The following PHACTR3 variants were observed in gnomAD, a reference collection of about 807,000 sequenced individuals.
PHACTR3 encodes the protein protein phosphatase 1, regulatory subunit 123.
PHACTR3 carries 16 observed loss-of-function variants against 66.8 expected under a neutral mutation model. The ratio of observed to expected loss-of-function variants is 0.24; its 90% CI spans 0.16 to 0.36. The LOEUF is 0.36. PHACTR3 is among the 10% of genes least tolerant of loss of function. The probability of loss-of-function intolerance (pLI) is 1.00; values close to 1 mark genes in which losing one functional copy is unlikely to be tolerated. For missense variants in PHACTR3, 647 were observed against 719.9 expected (o/e 0.90, Z 1.16); for synonymous variants, 323 against 292.1 (o/e 1.11, Z -1.08).
At chr20:59,598,958 A>G (rs912306888) in intron 1 of PHACTR3, among the ~76,000 whole-genome samples, 10 of 152,168 alleles carry the variant, frequency 6.6e-5, no homozygotes, top group Admixed American at 3.9e-4. Flanking sequence ...ATGGTTCCCT[A>G]TGAGTTTAGC....
intron 1 of PHACTR3, among the ~76,000 whole-genome samples, chr20:59,598,790 C>T (rs539910193): frequency 4.2e-4 from 64 of 152,302 alleles, no homozygotes; most frequent in Non-Finnish European, 8.4e-4. Flanking sequence ...CCATTCCCAC[C>T]CGCCACTACT....
At chr20:59,808,208 G>GT (rs2041626457) in intron 8 of PHACTR3, among the ~76,000 whole-genome samples, 1 of 152,312 alleles carries the variant, frequency 6.6e-6, no homozygotes, top group Middle Eastern at 3.4e-3. Flanking sequence ...AGCCACTGGA[G>GT]TTCAGAACCC....
At chr20:59,751,037 G>A (rs2039559425) in intron 3 of PHACTR3, among the ~76,000 whole-genome samples, 2 of 152,258 alleles carry the variant, frequency 1.3e-5, no homozygotes, top group Admixed American at 1.3e-4. Flanking sequence ...GACTGGAATT[G>A]TTGGCGGTGG....
intron 1 of PHACTR3, among the ~76,000 whole-genome samples, chr20:59,664,133 G>A (rs1384262711): frequency 6.6e-6 from 1 of 152,094 alleles, no homozygotes; most frequent in East Asian, 1.9e-4. Context: ...GGAAAGTGGT[G>A]GTAGATGGAT....
chr20:59,745,044 C>G (rs117046300), intron 2 of PHACTR3, among the ~76,000 whole-genome samples: 3 of 152,140 alleles, frequency 2.0e-5, no homozygotes, highest in Non-Finnish European at 2.9e-5. Context: ...GGCAGGATCA[C>G]GGAGCAGGCC....
chr20:59,668,640 G>C (rs1466810210), intron 1 of PHACTR3, among the ~76,000 whole-genome samples: 3 of 152,188 alleles, frequency 2.0e-5, no homozygotes, highest in African/African-American at 7.2e-5. Flanking sequence ...AGGCAGTTCA[G>C]GAAATGACAT....
chr20:59,833,981 C>T (rs1371734002), intron 8 of PHACTR3, among the ~76,000 whole-genome samples: 3 of 152,092 alleles, frequency 2.0e-5, no homozygotes, highest in Non-Finnish European at 4.4e-5. Context: ...GATGTCATGC[C>T]AGTGGGTTGT....
chr20:59,577,613 G>T (rs1446824708), exon 1 of PHACTR3: 16 of 1,209,208 alleles, frequency 1.3e-5, no homozygotes, highest in Non-Finnish European at 1.4e-5. Flanking sequence ...GAGATCCTGC[G>T]CAAGGTAAGC....
intron 3 of PHACTR3, among the ~76,000 whole-genome samples, chr20:59,749,308 A>C (rs895216428): frequency 6.6e-6 from 1 of 152,174 alleles, no homozygotes; most frequent in African/African-American, 2.4e-5. Flanking sequence ...TCTAAAAAAA[A>C]CACTACTTTT....
At chr20:59,607,898 C>G (rs1005608129) in intron 1 of PHACTR3, among the ~76,000 whole-genome samples, 2 of 152,312 alleles carry the variant, frequency 1.3e-5, no homozygotes, top group Admixed American at 1.3e-4. Context: ...ACAGACAACA[C>G]AGCTGTAATT....
chr20:59,683,547 A>G (rs1462062429), intron 1 of PHACTR3, among the ~76,000 whole-genome samples: 1 of 151,512 alleles, frequency 6.6e-6, no homozygotes, highest in Non-Finnish European at 1.5e-5. Flanking sequence ...ACTTTTAAGT[A>G]GAAATCCAAT....
intron 1 of PHACTR3, among the ~76,000 whole-genome samples, chr20:59,706,649 T>C (rs777741546): frequency 1.2e-4 from 18 of 152,254 alleles, no homozygotes; most frequent in Admixed American, 3.3e-4. Context: ...GAGCTGGTAA[T>C]TGGGGAAAGA....
chr20:59,751,492 A>G (rs2039580430), intron 3 of PHACTR3, among the ~76,000 whole-genome samples: 1 of 152,154 alleles, frequency 6.6e-6, no homozygotes, highest in South Asian at 2.1e-4. Context: ...ATGTACATAC[A>G]CATTGGACAC....
intron 1 of PHACTR3, among the ~76,000 whole-genome samples, chr20:59,637,216 C>A (rs1440988871): frequency 6.6e-6 from 1 of 152,230 alleles, no homozygotes; most frequent in African/African-American, 2.4e-5. Flanking sequence ...GGACTCAGGG[C>A]TGCTGGAGCT....
intron 1 of PHACTR3, among the ~76,000 whole-genome samples, chr20:59,742,165 G>T (rs1185789496): frequency 6.6e-6 from 1 of 152,222 alleles, no homozygotes; most frequent in Non-Finnish European, 1.5e-5. Flanking sequence ...GTGTGCGTGT[G>T]AATTTGTGCG....
intron 1 of PHACTR3, among the ~76,000 whole-genome samples, chr20:59,596,453 C>T (rs1314862328): frequency 6.6e-6 from 1 of 152,114 alleles, no homozygotes; most frequent in African/African-American, 2.4e-5. Context: ...TGGTACTGAA[C>T]CTTCTGTAAA....
chr20:59,709,610 C>A (rs949072196), intron 1 of PHACTR3, among the ~76,000 whole-genome samples: 1 of 152,120 alleles, frequency 6.6e-6, no homozygotes, highest in Admixed American at 6.6e-5. Context: ...TAGTTTGTTA[C>A]CTTCATCTTA....
At chr20:59,638,654 G>T (rs977687741) in intron 1 of PHACTR3, among the ~76,000 whole-genome samples, 2 of 141,968 alleles carry the variant, frequency 1.4e-5, no homozygotes, top group African/African-American at 2.6e-5. Flanking sequence ...TGGGTGAATG[G>T]ATTGACGGAT....
intron 3 of PHACTR3, among the ~76,000 whole-genome samples, chr20:59,754,627 T>C (rs1270236201): frequency 6.6e-6 from 1 of 152,266 alleles, no homozygotes; most frequent in Non-Finnish European, 1.5e-5. Context: ...TGACAACCCC[T>C]GCATCTCAGA....
Sources: allele counts gnomAD v4.1 joint callset (sites outside exome capture counted in the v4.1 genomes callset), GRCh38; gene constraint gnomAD v4.1.1; transcripts MANE v1.5; gene names NCBI Gene and HGNC (gene_info 2026-07-23, HGNC 2026-07-21).